FCN2: variants seen among roughly 807,000 people sequenced by gnomAD.
FCN2 encodes the protein ficolin 2.
In FCN2, 31 loss-of-function variants were observed where a neutral mutation model predicts 32.5. The ratio of observed to expected loss-of-function variants is 0.96; its 90% CI spans 0.72 to 1.29. The LOEUF (loss-of-function observed/expected upper bound fraction) is 1.29, where lower values mean the gene tolerates loss of function less well. FCN2 is among the 50% of genes most tolerant of loss of function. FCN2 has a pLI of 0.00. For missense variants in FCN2, 412 were observed against 406.5 expected (o/e 1.01, Z -0.12); for synonymous variants, 181 against 164.5 (o/e 1.10, Z -0.77).
At chr9:134,879,445 G>A (rs750057958), upstream of FCN2, among the ~76,000 whole-genome samples, 7 of 152,142 alleles carry the variant, frequency 4.6e-5, no homozygotes, top group East Asian at 3.9e-4. Flanking sequence ...CTAAGGACTC[G>A]GAATTTTGGC....
rs1369647660 is a variant in FCN2 at position 134,887,455 on chromosome 9, T to C, written c.*40T>C. On this transcript the variant is annotated 3_prime_UTR_variant, in exon 8 of 8. Coordinates refer to ENST00000291744, the MANE Select transcript of FCN2 (RefSeq NM_004108.3). ...AGGGTCAGGACGCCTCCACACATAG[T>C]TGGTTGGGGGGTAGGGTTGGGAGCT... The C allele has an allele frequency of 3.7e-6, 6 of 1,605,818 alleles. No individual in the cohort carries two copies. In the African/African-American group the frequency reaches 6.7e-5, roughly 18 times the overall value.
At chr9:134,868,746 G>A in the FCN2 span, among the ~76,000 whole-genome samples, 3 of 152,206 alleles carry the variant, frequency 2.0e-5, no homozygotes, top group Non-Finnish European at 4.4e-5. This position sits in a 1 kb window ranked among gnomAD's most constrained non-coding sequence, Gnocchi z 4.3. Context: ...ACAATGGTGG[G>A]ATGCCATGGC....
intron 3 of FCN2, 59 bp downstream of exon 3, chr9:134,883,414 G>A: frequency 6.8e-7 from 1 of 1,463,808 alleles, no homozygotes; most frequent in African/African-American, 1.4e-5. Flanking sequence ...TGGCTGCAGA[G>A]GAACGTGAGG....
At chr9:134,879,732 C>T (rs993254516), upstream of FCN2, among the ~76,000 whole-genome samples, 6 of 152,130 alleles carry the variant, frequency 3.9e-5, no homozygotes, top group Non-Finnish European at 8.8e-5. Flanking sequence ...AAGGAAAATC[C>T]GATGGGATTT....
the FCN2 span, among the ~76,000 whole-genome samples, chr9:134,864,841 G>A: frequency 6.6e-6 from 1 of 152,228 alleles, no homozygotes. Flanking sequence ...CCAGACAGAG[G>A]CTCAAAGAAA....
chr9:134,873,899 G>GGTTTTTTTTGTTTTTTTTTTTTTTTT, the FCN2 span, among the ~76,000 whole-genome samples: 1 of 45,498 alleles, frequency 2.2e-5, no homozygotes. Flanking sequence ...TTTGTTTTTT[G>GGTTTTTTTTGTTTTTTTTTTTTTTTT]TTTTTTTTTG....
At position 134,887,286 on chromosome 9, in the gene FCN2, T is replaced by C. The variant is rs1228647916; in HGVS notation, c.813T>C (p.His271=). 1.2e-6 allele frequency: 2 copies of C among 1,614,170 alleles called. No homozygotes were observed. Among genetic ancestry groups the C allele is most frequent in the African/African-American group, 1.3e-5 (1 of 75,050 alleles). ...FQGAWWYKNC[H]VSNLNGRYLR... is the part of the protein sequence containing the mutation. ...GAGCTTGGTGGTACAAAAACTGCCA[T>C]GTGTCAAACCTGAATGGTCGCTACC... The change falls in exon 8 of 8, where the codon CAT becomes CAC. Residue 271 remains histidine (H), a synonymous_variant. Transcript: ENST00000291744.
intron 3 of FCN2, 28 bp downstream of exon 3, chr9:134,883,383 GCT>G: frequency 6.2e-7 from 1 of 1,600,410 alleles, no homozygotes; most frequent in Non-Finnish European, 8.6e-7. Flanking sequence ...GTGAGAAGCG[GCT>G]TCAAGGCCCT....
chr9:134,882,683 GAAA>G, intron 2 of FCN2, 44 bp downstream of exon 2: 9 of 1,372,286 alleles, frequency 6.6e-6, no homozygotes, highest in Non-Finnish European at 8.3e-6. Flanking sequence ...TGCTCTTTTT[GAAA>G]CCAGATGCTG....
chr9:134,864,749 C>T, the FCN2 span, among the ~76,000 whole-genome samples: 15 of 152,214 alleles, frequency 9.9e-5, no homozygotes, highest in Middle Eastern at 3.2e-3. Context: ...ACTCACAGCA[C>T]GCCAGGCCCG....
At position 134,887,158 on chromosome 9, in the gene FCN2, T is replaced by G. The variant is rs1460604506; in HGVS notation, c.695-10T>G. On this transcript the variant is annotated splice_polypyrimidine_tract_variant and intron_variant, in intron 7 of 7. Transcript: ENST00000291744. Reference sequence around the variant, plus strand: ...TGCCTGTAACGATGCTCACATTTCCTCCTGCACAGGAGATTCCCTGACGTT... The same window carrying G: ...TGCCTGTAACGATGCTCACATTTCCGCCTGCACAGGAGATTCCCTGACGTT... 1 of 1,614,038 alleles carries G rather than the reference T, an allele frequency of 6.2e-7. No homozygotes were observed.
At chr9:134,883,020 G>C (rs12340783) in intron 2 of FCN2, among the ~76,000 whole-genome samples, 4,694 of 152,204 alleles carry the variant, frequency 0.031, 233 homozygotes, top group African/African-American at 0.11. Flanking sequence ...CAGGGATTTC[G>C]CTCTGTTCTC....
the FCN2 span, among the ~76,000 whole-genome samples, chr9:134,869,467 C>A: frequency 6.6e-6 from 1 of 152,204 alleles, no homozygotes; most frequent in Non-Finnish European, 1.5e-5. Flanking sequence ...GAGCCCAGAC[C>A]CCGCAGAGGG....
chr9:134,878,384 G>A (rs10858289), upstream of FCN2, among the ~76,000 whole-genome samples: 43,387 of 151,960 alleles, frequency 0.29, 6,439 homozygotes, highest in Middle Eastern at 0.33. Flanking sequence ...AACAAGTGAC[G>A]TGACCCCTGG....
the FCN2 span, among the ~76,000 whole-genome samples, chr9:134,874,009 C>G: frequency 6.6e-6 from 1 of 151,516 alleles, no homozygotes; most frequent in Non-Finnish European, 1.5e-5. Flanking sequence ...CTCCCGGGTT[C>G]AAGTGATGCT....
chr9:134,872,310 A>G, the FCN2 span, among the ~76,000 whole-genome samples: 1 of 152,236 alleles, frequency 6.6e-6, no homozygotes, highest in Non-Finnish European at 1.5e-5. Flanking sequence ...GATAGACCAC[A>G]GCTATGTATC....
In FCN2 at chr9:134,885,373, G is replaced by A. The variant is rs751559120; in HGVS notation, c.429+7G>A. 11 of 1,613,034 alleles carry A rather than the reference G, an allele frequency of 6.8e-6. No homozygotes were observed. Among genetic ancestry groups the A allele is most frequent in the Middle Eastern group, 1.7e-4 (1 of 6,056 alleles). ...GGACGGAGGGGGCTGGACCGTGAGT[G>A]TGGGGCTGGGCAGAGGCGGTCAGCC... On this transcript the variant is annotated splice_region_variant and intron_variant, in intron 5 of 7. Transcript: ENST00000291744.
chr9:134,864,975 C>T, the FCN2 span, among the ~76,000 whole-genome samples: 6 of 152,084 alleles, frequency 3.9e-5, no homozygotes, highest in South Asian at 4.1e-4. Context: ...GAAGGGCCGT[C>T]GTGAGAGTCC....
Position 134,887,149 on chromosome 9 carries a change from C to G in FCN2, c.695-19C>G, listed in dbSNP as rs1362988828. The G allele has an allele frequency of 1.2e-6, 2 of 1,613,736 alleles. No individual in the cohort carries two copies. Among genetic ancestry groups the G allele is most frequent in the Admixed American group, 1.7e-5 (1 of 59,994 alleles). ...TGATGTTACTGCCTGTAACGATGCTCACATTTCCTCCTGCACAGGAGATTC... is the reference window on the plus strand; with the variant it reads ...TGATGTTACTGCCTGTAACGATGCTGACATTTCCTCCTGCACAGGAGATTC... On this transcript the variant is annotated intron_variant, in intron 7 of 7. Transcript: ENST00000291744.
Sources: allele counts gnomAD v4.1 joint callset (sites outside exome capture counted in the v4.1 genomes callset), GRCh38; gene constraint gnomAD v4.1.1; non-coding constraint Gnocchi (gnomAD v3.1); transcripts MANE v1.5; gene names NCBI Gene and HGNC (gene_info 2026-07-23, HGNC 2026-07-21).